FGF9: variants seen among roughly 807,000 people sequenced by gnomAD.
FGF9 encodes the protein fibroblast growth factor 9.
Under a neutral mutation model 19.9 loss-of-function variants are expected in FGF9, and 3 were observed. The ratio of observed to expected loss-of-function variants is 0.15; its 90% confidence interval spans 0.07 to 0.39. FGF9 has a LOEUF of 0.39. FGF9 is among the 10% of genes least tolerant of loss of function. FGF9 has a pLI of 1.00. For synonymous variants in FGF9, 107 were observed against 106.9 expected (o/e 1.00, Z -0.01); for missense variants, 175 against 256.8 (o/e 0.68, Z 2.18).
In FGF9 at chr13:21,691,517, CAT is replaced by C. The variant is rs1872289946; in HGVS notation, c.382-9672_382-9671del. ...TCCTCTGTCCCTGCCTCATCTGCCT[CAT>C]CTTGTCTCTGCTTCTGTTTATCCTA... On this transcript the variant is annotated intron_variant, in intron 2 of 2. Coordinates refer to ENST00000382353, the MANE Select transcript of FGF9 (RefSeq NM_002010.3). This position sits in a 1 kb window ranked among gnomAD's most constrained non-coding sequence, Gnocchi z 4.2. 6.6e-6 allele frequency among the ~76,000 whole-genome samples: 1 copy of C among 152,230 alleles called. No individual in the cohort carries two copies. Among genetic ancestry groups the C allele is most frequent in the Admixed American group, 6.5e-5 (1 of 15,284 alleles).
chr13:21,673,278 T>C (rs1230954351), intron 1 of FGF9, among the ~76,000 whole-genome samples: 1 of 152,208 alleles, frequency 6.6e-6, no homozygotes, highest in African/African-American at 2.4e-5. Context: ...TGATTTTTCT[T>C]CCTCATGCTT....
intron 2 of FGF9, among the ~76,000 whole-genome samples, chr13:21,683,607 G>T (rs1017055476): frequency 6.6e-6 from 1 of 152,188 alleles, no homozygotes; most frequent in Non-Finnish European, 1.5e-5. Flanking sequence ...CAGGCAAAGG[G>T]CAATGAAAGA....
At chr13:21,698,359 GATGTTA>G (rs1384657034) in intron 2 of FGF9, among the ~76,000 whole-genome samples, 1 of 152,222 alleles carries the variant, frequency 6.6e-6, no homozygotes, top group Admixed American at 6.5e-5. Flanking sequence ...AAGATGTTAA[GATGTTA>G]ATGTGATATT....
rs1259231886 is a variant in FGF9, at chr13:21,702,293, T to C, written c.*858T>C. The C allele has an allele frequency of 4.6e-5, 7 of 152,220 alleles. No homozygotes were observed. The highest frequency in any genetic ancestry group is 7.4e-5 in the Non-Finnish European group (5 of 68,026). The allele number at this position is 152,220 out of a possible 1,614,324, so 9.4% of individuals were successfully genotyped here. Reference sequence around the variant, plus strand: ...TTGTGCCCATATTATTGTAAACTTATGCACATCGCTCATGACACTGAGTAT... The same window carrying C: ...TTGTGCCCATATTATTGTAAACTTACGCACATCGCTCATGACACTGAGTAT... On this transcript the variant is annotated 3_prime_UTR_variant, in exon 3 of 3. Transcript: ENST00000382353.
intron 2 of FGF9, among the ~76,000 whole-genome samples, chr13:21,694,050 A>G (rs1872351709): frequency 6.6e-6 from 1 of 152,122 alleles, no homozygotes; most frequent in Non-Finnish European, 1.5e-5. Flanking sequence ...TGATGTTTCC[A>G]AGACTGAATC....
intron 2 of FGF9, among the ~76,000 whole-genome samples, chr13:21,694,791 C>G (rs535082528): frequency 1.5e-4 from 23 of 152,130 alleles, no homozygotes; most frequent in African/African-American, 5.5e-4. Context: ...TTAACACAAG[C>G]AAAAATACTT....
In FGF9 at chr13:21,701,413, A is replaced by G. The variant is rs1565954891; in HGVS notation, c.605A>G (p.Lys202Arg). The change falls in exon 3 of 3, where the codon AAG becomes AGG. Residue 202 changes from lysine (K) to arginine (R), a missense_variant. Coordinates refer to ENST00000382353, the MANE Select transcript of FGF9 (RefSeq NM_002010.3). ...CCCGACAAAGTACCTGAACTGTATA[A>G]GGATATTCTAAGCCAAAGTTGACAA... ...VDPDKVPELY[K>R]DILSQS 6.2e-7 allele frequency: 1 copy of G among 1,614,042 alleles called. No individual in the cohort carries two copies. The highest frequency in any genetic ancestry group is 8.5e-7 in the Non-Finnish European group (1 of 1,179,950).
intron 2 of FGF9, among the ~76,000 whole-genome samples, chr13:21,695,115 TGA>T (rs998380454): frequency 3.1e-4 from 46 of 149,574 alleles, no homozygotes; most frequent in Non-Finnish European, 3.0e-4. Flanking sequence ...TGTGTGTGTG[TGA>T]GAGAGACTAG....
At chr13:21,675,131 C>T (rs1183569987) in intron 1 of FGF9, among the ~76,000 whole-genome samples, 3 of 151,680 alleles carry the variant, frequency 2.0e-5, no homozygotes, top group Non-Finnish European at 4.4e-5. Context: ...CTAGCTAGCC[C>T]GTCGGCCTGG....
intron 2 of FGF9, among the ~76,000 whole-genome samples, chr13:21,694,355 G>C (rs1872358380): frequency 6.6e-6 from 1 of 151,972 alleles, no homozygotes; most frequent in Admixed American, 6.6e-5. Context: ...ATCATAGAAA[G>C]TCTGGTACAT....
At chr13:21,701,064 A>T in intron 2 of FGF9, 126 bp from the exon 3 acceptor site, 1 of 709,770 alleles carries the variant, frequency 1.4e-6, no homozygotes, top group Non-Finnish European at 2.5e-6. Flanking sequence ...TAGGATGCGC[A>T]GGTTTGTTAA....
rs1477224611 is a variant in FGF9 at position 21,672,831 on chromosome 13, T to C, written c.277+642T>C. Among the ~76,000 whole-genome samples, 1 of 152,238 alleles carries C rather than the reference T, an allele frequency of 6.6e-6. No homozygotes were observed. Among genetic ancestry groups the C allele is most frequent in the Non-Finnish European group, 1.5e-5 (1 of 68,036 alleles). ...AAGAGGCAGGGCGCTCAGGGGTTTT[T>C]GTCCTTCCAGCTATCAAGTGATAAC... is the stretch of plus-strand genomic sequence containing the variant. On this transcript the variant is annotated intron_variant, in intron 1 of 2. Coordinates refer to ENST00000382353, the MANE Select transcript of FGF9 (RefSeq NM_002010.3). This position sits in a 1 kb window ranked among gnomAD's most constrained non-coding sequence, Gnocchi z 4.2.
At chr13:21,677,302 C>A (rs1171145720) in intron 1 of FGF9, among the ~76,000 whole-genome samples, 2 of 152,196 alleles carry the variant, frequency 1.3e-5, no homozygotes, top group Admixed American at 1.3e-4. Flanking sequence ...CATTCCCTCC[C>A]TTCCTCCTCC....
rs1402156220 is a variant in FGF9 at position 21,702,383 on chromosome 13, C to T, written c.*948C>T. 6.6e-6 allele frequency: 1 copy of T among 152,200 alleles called. No individual in the cohort carries two copies. The highest frequency in any genetic ancestry group is 1.5e-5 in the Non-Finnish European group (1 of 68,040). The allele number at this position is 152,200 out of a possible 1,614,324, so 9.4% of individuals were successfully genotyped here. A position where few individuals can be genotyped will look rare whatever the true frequency, so the allele number is the denominator to read the frequency against. ...GATTAAAGATAAACTGGGTCTCAAACTTTGATTCTGTGTCTGCAATATTTC... is the reference window on the plus strand; with the variant it reads ...GATTAAAGATAAACTGGGTCTCAAATTTTGATTCTGTGTCTGCAATATTTC... On this transcript the variant is annotated 3_prime_UTR_variant, in exon 3 of 3. Transcript: ENST00000382353.
intron 1 of FGF9, among the ~76,000 whole-genome samples, chr13:21,680,838 G>A (rs1413406343): frequency 6.6e-6 from 1 of 152,124 alleles, no homozygotes; most frequent in East Asian, 1.9e-4. Context: ...GTATTTTTGT[G>A]TCATTATGAT....
chr13:21,699,426 C>G (rs1341630952), intron 2 of FGF9, among the ~76,000 whole-genome samples: 1 of 152,242 alleles, frequency 6.6e-6, no homozygotes. Context: ...TAAAAACCTA[C>G]TCAGTGCTTC....
intron 2 of FGF9, among the ~76,000 whole-genome samples, chr13:21,698,009 C>T (rs1410492548): frequency 6.6e-6 from 1 of 152,076 alleles, no homozygotes; most frequent in Non-Finnish European, 1.5e-5. Context: ...GGGGTTTCAC[C>T]GTGTTAGCCA....
At chr13:21,679,976 A>G (rs188708441) in intron 1 of FGF9, among the ~76,000 whole-genome samples, 1 of 151,174 alleles carries the variant, frequency 6.6e-6, no homozygotes, top group African/African-American at 2.4e-5. Flanking sequence ...AAAAAAAAAA[A>G]AATTAGCAGT....
chr13:21,693,303 G>T (rs993334796), intron 2 of FGF9, among the ~76,000 whole-genome samples: 7 of 152,138 alleles, frequency 4.6e-5, no homozygotes, highest in Admixed American at 2.0e-4. Flanking sequence ...GGGGCCCAAG[G>T]AGTGGGGAGG....
Sources: allele counts gnomAD v4.1 joint callset (sites outside exome capture counted in the v4.1 genomes callset), GRCh38; gene constraint gnomAD v4.1.1; non-coding constraint Gnocchi (gnomAD v3.1); transcripts MANE v1.5; gene names NCBI Gene and HGNC (gene_info 2026-07-23, HGNC 2026-07-21).